SNAP47: variants seen among roughly 807,000 people sequenced by gnomAD.
SNAP47 encodes the protein synaptosomal-associated protein 47.
Under a neutral mutation model 31.4 loss-of-function variants are expected in SNAP47, and 20 were observed. The ratio of observed to expected loss-of-function variants is 0.64; its 90% CI spans 0.45 to 0.93. SNAP47 has a LOEUF of 0.93. SNAP47 is among the 40% of genes least tolerant of loss of function. SNAP47 has a pLI of 0.00. For missense variants in SNAP47, 492 were observed against 528.5 expected, an observed-to-expected ratio of 0.93 and a Z score of 0.68; for synonymous variants, 194 against 213.4, an observed-to-expected ratio of 0.91 and a Z score of 0.79.
In SNAP47 at chr1:227,735,466, C is replaced by G. The variant is rs868772309; in HGVS notation, c.-79C>G. 1.3e-5 allele frequency: 19 copies of G among 1,436,202 alleles called. No individual in the cohort carries two copies. The highest frequency in any genetic ancestry group is 1.6e-5 in the Non-Finnish European group (18 of 1,105,826). The allele number at this position is 1,436,202 out of a possible 1,614,324, so 89.0% of individuals were successfully genotyped here. ...CAGGCGCCGAGCGGCCGAGGCGCCG[C>G]GGTCGGCTCTGGGACTCGTCTGGCG... On this transcript the variant is annotated 5_prime_UTR_variant, in exon 1 of 5. Transcript: ENST00000617596.
chr1:227,743,517 C>G (rs1661755856), intron 1 of SNAP47, among the ~76,000 whole-genome samples: 2 of 152,240 alleles, frequency 1.3e-5, no homozygotes, highest in South Asian at 4.1e-4. Flanking sequence ...CCCCTTGCTG[C>G]CTCTGCATTG....
intron 4 of SNAP47, among the ~76,000 whole-genome samples, chr1:227,768,827 G>A (rs1049145966): frequency 6.6e-6 from 1 of 152,188 alleles, no homozygotes; most frequent in African/African-American, 2.4e-5. Flanking sequence ...AGAGTGCCTC[G>A]GCACGTGGCT....
chr1:227,772,575 G>A (rs1010556670), intron 4 of SNAP47, among the ~76,000 whole-genome samples: 2 of 152,164 alleles, frequency 1.3e-5, no homozygotes, highest in African/African-American at 4.8e-5. Context: ...TCTGTTTGAG[G>A]CCCTGCTCTC....
chr1:227,730,169 C>T (rs894132274), upstream of SNAP47, among the ~76,000 whole-genome samples: 2 of 152,204 alleles, frequency 1.3e-5, no homozygotes, highest in African/African-American at 2.4e-5. Flanking sequence ...GGCTAACCAC[C>T]GCACATCTGC....
At chr1:227,737,918 G>C (rs1661331726) in intron 1 of SNAP47, among the ~76,000 whole-genome samples, 1 of 152,164 alleles carries the variant, frequency 6.6e-6, no homozygotes, top group African/African-American at 2.4e-5. Context: ...TTTTACACTA[G>C]AGAATCAGAA....
chr1:227,755,390 T>G (rs1408429489), intron 2 of SNAP47, among the ~76,000 whole-genome samples: 1 of 152,054 alleles, frequency 6.6e-6, no homozygotes, highest in Non-Finnish European at 1.5e-5. Flanking sequence ...TTTTTTTTCT[T>G]TTTTTCTTTT....
chr1:227,770,370 G>T (rs1663721528), intron 4 of SNAP47, among the ~76,000 whole-genome samples: 1 of 152,188 alleles, frequency 6.6e-6, no homozygotes, highest in East Asian at 1.9e-4. Context: ...CAGCTTCTGG[G>T]CATGTGGGGA....
intron 2 of SNAP47, among the ~76,000 whole-genome samples, chr1:227,757,665 T>C (rs72632836): frequency 0.098 from 14,887 of 151,940 alleles, 1,090 homozygotes; most frequent in East Asian, 0.33. Context: ...AAAGCAGGGG[T>C]TAATGTGATA....
At chr1:227,736,686 G>GTTTTTTTTTT (rs112159513) in intron 1 of SNAP47, among the ~76,000 whole-genome samples, 4 of 110,916 alleles carry the variant, frequency 3.6e-5, no homozygotes, top group African/African-American at 1.1e-4. Flanking sequence ...TTTTGTTTTT[G>GTTTTTTTTTT]TTTTTTTTTT....
At chr1:227,748,416 G>A (rs1662121997) in intron 2 of SNAP47, among the ~76,000 whole-genome samples, 183 bp downstream of exon 2, 1 of 152,250 alleles carries the variant, frequency 6.6e-6, no homozygotes, top group Non-Finnish European at 1.5e-5. Context: ...CACTCGGAAA[G>A]CGAGGCTGTG....
chr1:227,735,396 C>G, upstream of SNAP47: 1 of 1,581,350 alleles, frequency 6.3e-7, no homozygotes. Context: ...GCCTGGGGCT[C>G]CGGGCCTGCA....
upstream of SNAP47, chr1:227,735,194 G>A (rs754574195): frequency 3.2e-6 from 5 of 1,582,102 alleles, no homozygotes; most frequent in South Asian, 4.6e-5. Context: ...TACCCGGCCC[G>A]GAGCCTGGCC....
chr1:227,731,444 C>G (rs1660640037), upstream of SNAP47: 1 of 152,258 alleles, frequency 6.6e-6, no homozygotes, highest in Admixed American at 6.5e-5. Context: ...CAACCAGGGG[C>G]CAACTGAAAA....
At chr1:227,774,834 T>C (rs1270815753) in intron 4 of SNAP47, among the ~76,000 whole-genome samples, 2 of 152,216 alleles carry the variant, frequency 1.3e-5, no homozygotes, top group Non-Finnish European at 2.9e-5. Context: ...TTAGTGAGGG[T>C]TCATCGTCCC....
At chr1:227,733,924 C>G (rs763865736), upstream of SNAP47, 2 of 1,613,630 alleles carry the variant, frequency 1.2e-6, no homozygotes, top group Admixed American at 1.7e-5. Context: ...CCGCAGGCCC[C>G]GCGTAGACAA....
At chr1:227,756,272 A>G (rs1662685734) in intron 2 of SNAP47, among the ~76,000 whole-genome samples, 1 of 152,250 alleles carries the variant, frequency 6.6e-6, no homozygotes, top group Non-Finnish European at 1.5e-5. Context: ...TTGAAAGCCT[A>G]GTAAGTTGTC....
At chr1:227,768,473 C>A in intron 4 of SNAP47, 1 of 288,020 alleles carries the variant, frequency 3.5e-6, no homozygotes, top group Non-Finnish European at 5.2e-6. Context: ...GTCTCTTATG[C>A]CTGTTTTTAA....
chr1:227,746,390 T>TA (rs1213818768), intron 1 of SNAP47: 1 of 152,276 alleles, frequency 6.6e-6, no homozygotes, highest in Non-Finnish European at 1.5e-5. Context: ...TGTGACGACA[T>TA]ATTGTGCGTT....
chr1:227,770,604 C>T (rs376372632), intron 4 of SNAP47: 5 of 154,894 alleles, frequency 3.2e-5, no homozygotes, highest in African/African-American at 9.6e-5. Context: ...TCCTCAGGGA[C>T]CCCCGTTCCT....
Sources: allele counts gnomAD v4.1 joint callset (sites outside exome capture counted in the v4.1 genomes callset), GRCh38; gene constraint gnomAD v4.1.1; transcripts MANE v1.5; gene names NCBI Gene and HGNC (gene_info 2026-07-23, HGNC 2026-07-21).